Variants in TMEM175 observed in about 807,000 individuals in gnomAD.
TMEM175 encodes the protein endosomal/lysosomal proton channel TMEM175.
TMEM175 carries 36 observed loss-of-function variants against 36.5 expected under a neutral mutation model. That is an observed-to-expected ratio of 0.99 (90% CI 0.76 to 1.30). The LOEUF (loss-of-function observed/expected upper bound fraction) is 1.30. Among genes scored for constraint, TMEM175 ranks in the 50% most tolerant of loss-of-function variants. TMEM175 has a pLI of 0.00. For missense variants in TMEM175, 705 were observed against 692.8 expected, an observed-to-expected ratio of 1.02 and a Z score of -0.20; for synonymous variants, 339 against 313.4, an observed-to-expected ratio of 1.08 and a Z score of -0.86.
intron 10 of TMEM175, among the ~76,000 whole-genome samples, chr4:957,180 C>A (rs1368264810): frequency 6.6e-6 from 1 of 152,216 alleles, no homozygotes; most frequent in African/African-American, 2.4e-5. Context: ...CACCCCTCAC[C>A]CCTCGCCCTC....
At chr4:947,353 A>G (rs1306045405) in intron 1 of TMEM175, among the ~76,000 whole-genome samples, 3 of 152,132 alleles carry the variant, frequency 2.0e-5, no homozygotes, top group East Asian at 3.9e-4. Flanking sequence ...TGCACGGTCA[A>G]GGGCCCCGCA....
chr4:948,228 AG>A, intron 3 of TMEM175, 74 bp downstream of exon 3: 2 of 1,613,244 alleles, frequency 1.2e-6, no homozygotes, highest in Non-Finnish European at 1.7e-6. Flanking sequence ...GACCTGGCAC[AG>A]GGTGCTGACC....
chr4:948,764 C>T, intron 3 of TMEM175: 1 of 961,858 alleles, frequency 1.0e-6, no homozygotes, highest in Non-Finnish European at 1.4e-6. Flanking sequence ...GTCGTGCGGC[C>T]CAAGCTTCAT....
At chr4:952,075 C>T (rs551916020) in intron 6 of TMEM175, 65 of 584,878 alleles carry the variant, frequency 1.1e-4, no homozygotes, top group Admixed American at 1.5e-4. Flanking sequence ...TGGCAGTGGC[C>T]GCTAGTCTGA....
chr4:948,102 C>T lies in TMEM175; in HGVS notation c.154-14C>T. 1 of 1,614,160 alleles carries T rather than the reference C, an allele frequency of 6.2e-7. No individual in the cohort carries two copies. Among genetic ancestry groups the T allele is most frequent in the Non-Finnish European group, 8.5e-7 (1 of 1,180,034 alleles). The stretch of plus-strand genomic sequence containing the variant: ...CTTGCTCTCCTGCTTCCTTCTGTCT[C>T]TTTGCCCCCTCAGATCCTGCCTGTG... On this transcript the variant is annotated splice_polypyrimidine_tract_variant and intron_variant, in intron 2 of 10. Coordinates refer to ENST00000264771, the MANE Select transcript of TMEM175 (RefSeq NM_032326.4).
intron 1 of TMEM175, among the ~76,000 whole-genome samples, chr4:941,679 G>A (rs1177385520): frequency 1.3e-5 from 2 of 151,854 alleles, no homozygotes; most frequent in Non-Finnish European, 2.9e-5. Context: ...CAGGTGATCC[G>A]CCCACCTTGG....
rs747100175 is a variant in TMEM175, at chr4:957,998, G to C, written c.1017G>C (p.Arg339=). ...SLFLHVRKAT[R]AMGLLNTLSL... ...TCCTGCATGTGCGCAAGGCCACGCG[G>C]GCCATGGGGCTGCTGAACACGCTCT... The change falls in exon 11 of 11, where the codon CGG becomes CGC. Residue 339 remains arginine (R), a synonymous_variant. Transcript: ENST00000264771. 6.2e-6 allele frequency: 10 copies of C among 1,612,750 alleles called. No individual in the cohort carries two copies. The highest frequency in any genetic ancestry group is 2.2e-5 in the South Asian group (2 of 91,076).
chr4:951,349 G>A lies in TMEM175; in HGVS notation c.342+91G>A, dbSNP rs560835795. The A allele has an allele frequency of 2.5e-4, 358 of 1,429,404 alleles. 1 individual carries two copies. The East Asian group carries it at 6.8e-3, about 27-fold the overall frequency. The allele number at this position is 1,429,404 out of a possible 1,614,324, so 88.5% of individuals were successfully genotyped here. ...GGGAAGGGAGCAGCCGGCCTCTCTCGTGACCTCCAGGGAGTCTCGGAGCCT... is the reference window on the plus strand; with the variant it reads ...GGGAAGGGAGCAGCCGGCCTCTCTCATGACCTCCAGGGAGTCTCGGAGCCT... On this transcript the variant is annotated intron_variant, in intron 5 of 10. Transcript: ENST00000264771.
At chr4:951,122 A>G (rs1728836525) in intron 4 of TMEM175, 85 bp from the exon 5 acceptor site, 2 of 1,277,278 alleles carry the variant, frequency 1.6e-6, no homozygotes, top group Admixed American at 1.7e-5. Flanking sequence ...TGATGTTTTA[A>G]CCAGAAGATG....
chr4:942,233 A>G (rs1727609630), intron 1 of TMEM175, among the ~76,000 whole-genome samples: 1 of 151,806 alleles, frequency 6.6e-6, no homozygotes, highest in Non-Finnish European at 1.5e-5. Context: ...TGCCCAGCTA[A>G]TTTTTGTATT....
At chr4:934,817 A>G (rs1007830145) in intron 1 of TMEM175, among the ~76,000 whole-genome samples, 1 of 152,216 alleles carries the variant, frequency 6.6e-6, no homozygotes, top group African/African-American at 2.4e-5. Context: ...ATAGGAGGGG[A>G]ATGACATCAA....
At chr4:941,951 C>T (rs1228961204) in intron 1 of TMEM175, among the ~76,000 whole-genome samples, 1 of 152,086 alleles carries the variant, frequency 6.6e-6, no homozygotes, top group African/African-American at 2.4e-5. Context: ...TTTTCTCCGG[C>T]ATCATCTTCC....
chr4:948,175 C>G (rs1577415284), intron 3 of TMEM175, 21 bp downstream of exon 3: 3 of 1,614,126 alleles, frequency 1.9e-6, no homozygotes, highest in Non-Finnish European at 8.5e-7. Flanking sequence ...AGGCTGTGCT[C>G]TGCGTGGTGT....
In TMEM175 at chr4:955,439, C is replaced by G. The variant is rs368325598; in HGVS notation, c.662C>G (p.Pro221Arg). ...YLLMVTVILLPYVSKVTGWCR... is the reference protein window; with the variant it reads ...YLLMVTVILLRYVSKVTGWCR... ...CTGATGGTGACTGTCATCCTCCTCCCCTATGTCAGCAAGGTCACCGGCTGG... is the reference window on the plus strand; with the variant it reads ...CTGATGGTGACTGTCATCCTCCTCCGCTATGTCAGCAAGGTCACCGGCTGG... The change falls in exon 9 of 11, where the codon CCC becomes CGC. Residue 221 changes from proline (P) to arginine (R), a missense_variant. By Grantham distance (103) the Pro-to-Arg change is moderately radical. Coordinates refer to ENST00000264771, the MANE Select transcript of TMEM175 (RefSeq NM_032326.4). 1.2e-6 allele frequency: 2 copies of G among 1,614,182 alleles called. No homozygotes were observed. The highest frequency in any genetic ancestry group is 2.2e-5 in the East Asian group (1 of 44,884).
At position 958,218 on chromosome 4, in the gene TMEM175, G is replaced by A. The variant is rs150555073; in HGVS notation, c.1237G>A (p.Gly413Ser). 51 of 1,602,218 alleles carry A rather than the reference G, an allele frequency of 3.2e-5. No homozygotes were observed. Among genetic ancestry groups the A allele is most frequent in the East Asian group, 6.7e-5 (3 of 44,692 alleles). ...ETLQPSVWFG[G>S]REHVLMFAKL... Reference sequence around the variant, plus strand: ...GCTGCAGCCCTCGGTGTGGTTTGGCGGCCGGGAGCATGTGCTCATGTTCGC... The same window carrying A: ...GCTGCAGCCCTCGGTGTGGTTTGGCAGCCGGGAGCATGTGCTCATGTTCGC... Residue 413 changes from glycine to serine, a missense_variant, in exon 11 of 11, where the codon GGC (glycine) becomes AGC (serine). Physicochemically the swap from Gly to Ser is moderately conservative, Grantham distance 56. Transcript: ENST00000264771.
Position 955,487 on chromosome 4 carries a change from G to A in TMEM175, c.706+4G>A. ...TGGTGCAGAGACAGGCTCCTGGGTA[G>A]GTGATGACTGGGTGGGCTGGCCTGA... On this transcript the variant is annotated splice_donor_region_variant and intron_variant, in intron 9 of 10. Transcript: ENST00000264771. 1 of 1,613,738 alleles carries A rather than the reference G, an allele frequency of 6.2e-7. No homozygotes were observed. The highest frequency in any genetic ancestry group is 8.5e-7 in the Non-Finnish European group (1 of 1,179,786).
At chr4:945,836 CT>C (rs993681596) in intron 1 of TMEM175, among the ~76,000 whole-genome samples, 28 of 152,310 alleles carry the variant, frequency 1.8e-4, no homozygotes, top group Non-Finnish European at 3.5e-4. Context: ...AGAGCCCAGC[CT>C]GTCCTGCCCC....
intron 1 of TMEM175, among the ~76,000 whole-genome samples, chr4:939,863 C>G (rs1727224599): frequency 6.6e-6 from 1 of 152,172 alleles, no homozygotes; most frequent in Admixed American, 6.5e-5. Context: ...AGCCATGACA[C>G]TAAAAGCTTG....
At chr4:953,658 G>A (rs979259871) in intron 8 of TMEM175, among the ~76,000 whole-genome samples, 16 of 152,248 alleles carry the variant, frequency 1.1e-4, no homozygotes, top group Non-Finnish European at 1.5e-4. Flanking sequence ...AGCGACACCC[G>A]GAATCCGGGG....
Sources: allele counts gnomAD v4.1 joint callset (sites outside exome capture counted in the v4.1 genomes callset), GRCh38; gene constraint gnomAD v4.1.1; transcripts MANE v1.5; gene names NCBI Gene and HGNC (gene_info 2026-07-23, HGNC 2026-07-21).